PNPLA8: variants seen among roughly 807,000 people sequenced by gnomAD.
The protein encoded by PNPLA8 is calcium-independent phospholipase A2-gamma.
A neutral mutation model predicts 76.9 loss-of-function variants in PNPLA8; 39 were observed. The observed-to-expected ratio is 0.51, with a 90% CI of 0.39 to 0.66. The LOEUF (loss-of-function observed/expected upper bound fraction) is 0.66. Ranked by LOEUF, PNPLA8 falls within the 30% of genes least tolerant of loss-of-function variation. The pLI, the probability that PNPLA8 is intolerant of heterozygous loss-of-function variation, is 0.00. For synonymous variants in PNPLA8, 301 were observed against 307.9 expected (o/e 0.98, Z 0.24); for missense variants, 887 against 918.0 (o/e 0.97, Z 0.44).
At chr7:108,479,840 T>C (rs1296819583) in intron 9 of PNPLA8, among the ~76,000 whole-genome samples, 10 of 152,208 alleles carry the variant, frequency 6.6e-5, no homozygotes, top group Admixed American at 6.5e-4. Context: ...TTCATTATAA[T>C]GCAGATATAA....
At chr7:108,481,631 T>C (rs1345876357) in intron 9 of PNPLA8, among the ~76,000 whole-genome samples, 1 of 152,230 alleles carries the variant, frequency 6.6e-6, no homozygotes, top group Non-Finnish European at 1.5e-5. Context: ...TGTATGTCGC[T>C]TGTCTCCTCA....
At chr7:108,496,876 G>C in intron 6 of PNPLA8, 121 bp from the exon 7 acceptor site, 3 of 726,598 alleles carry the variant, frequency 4.1e-6, no homozygotes, top group Non-Finnish European at 6.6e-6. Context: ...ATGTCACCTG[G>C]GACAAATGAC....
intron 4 of PNPLA8, among the ~76,000 whole-genome samples, chr7:108,503,750 G>A (rs1398424481): frequency 6.6e-6 from 1 of 152,142 alleles, no homozygotes; most frequent in Non-Finnish European, 1.5e-5. Flanking sequence ...TGAGGCATTT[G>A]CTGATTCCAG....
At chr7:108,489,988 G>A (rs1396524324) in intron 8 of PNPLA8, among the ~76,000 whole-genome samples, 1 of 152,166 alleles carries the variant, frequency 6.6e-6, no homozygotes, top group African/African-American at 2.4e-5. Context: ...GTCATGCATT[G>A]CATATCAATG....
intron 5 of PNPLA8, among the ~76,000 whole-genome samples, chr7:108,501,708 CA>C (rs775758194): frequency 3.3e-5 from 5 of 152,122 alleles, no homozygotes; most frequent in Non-Finnish European, 7.4e-5. Flanking sequence ...CCTATAATCC[CA>C]GCTGCTTCGG....
At chr7:108,504,065 C>A (rs948069628) in intron 4 of PNPLA8, among the ~76,000 whole-genome samples, 4 of 152,060 alleles carry the variant, frequency 2.6e-5, no homozygotes, top group Non-Finnish European at 2.9e-5. Flanking sequence ...AGAATATGCC[C>A]AAAAATCAGG....
chr7:108,522,459 A>G (rs1335806333), intron 1 of PNPLA8, among the ~76,000 whole-genome samples: 2 of 152,146 alleles, frequency 1.3e-5, no homozygotes, highest in African/African-American at 4.8e-5. Flanking sequence ...CCAACCGCCA[A>G]TTAGAAAATT....
At position 108,514,933 on chromosome 7, in the gene PNPLA8, G is replaced by A. The variant is rs139626312; in HGVS notation, c.559C>T (p.Arg187Cys). 7,554 of 1,609,228 alleles carry A rather than the reference G, an allele frequency of 4.7e-3. 29 individuals are homozygous for A. Among genetic ancestry groups the A allele is most frequent in the Non-Finnish European group, 5.8e-3 (6,831 of 1,178,732 alleles). The change falls in exon 3 of 11, where the codon CGC (arginine) becomes TGC (cysteine). Residue 187 changes from arginine (R) to cysteine (C), a missense_variant. Coordinates refer to ENST00000257694, the MANE Select transcript of PNPLA8 (RefSeq NM_001256007.3). ...IIDKEEDIGK[R>C]SLFHYTSSIT... ...GAACTTGTGTAATGAAAAAGACTGC[G>A]TTTACCTATATCTTCTTCTTTGTCT...
At chr7:108,483,573 G>A (rs886257833) in intron 9 of PNPLA8, among the ~76,000 whole-genome samples, 2 of 152,150 alleles carry the variant, frequency 1.3e-5, no homozygotes, top group African/African-American at 4.8e-5. Context: ...ATGTCTCTGT[G>A]AATGTCAGTA....
At chr7:108,511,002 A>AGCTGGTTG (rs1176406163) in intron 4 of PNPLA8, 2 of 1,347,110 alleles carry the variant, frequency 1.5e-6, no homozygotes, top group African/African-American at 2.9e-5. Flanking sequence ...TATTTCTCTA[A>AGCTGGTTG]GCTGGTTGGT....
Position 108,501,318 on chromosome 7 carries a change from T to C in PNPLA8, c.1358+1173A>G, listed in dbSNP as rs531928830. ...AGGAACTAGATAAACAAAGACTGAG[T>C]AGGAAGCATGGATGGATTGCCAGTA... On this transcript the variant is annotated intron_variant, in intron 5 of 10. Transcript: ENST00000257694. Among the ~76,000 whole-genome samples the C allele has an allele frequency of 2.6e-5, 4 of 152,076 alleles. No individual in the cohort carries two copies. In the East Asian group the frequency reaches 7.7e-4, roughly 29 times the overall value.
chr7:108,477,494 T>C (rs1425439196), intron 10 of PNPLA8, among the ~76,000 whole-genome samples: 2 of 152,112 alleles, frequency 1.3e-5, no homozygotes, highest in African/African-American at 4.8e-5. Context: ...AGCTGTTAAG[T>C]GGTAATAATT....
chr7:108,510,607 C>G, intron 4 of PNPLA8: 2 of 1,553,308 alleles, frequency 1.3e-6, no homozygotes, highest in Non-Finnish European at 1.8e-6. Context: ...TGAAGCTCAA[C>G]AAGGCTTCGA....
At chr7:108,511,565 A>G (rs923266765) in intron 4 of PNPLA8, among the ~76,000 whole-genome samples, 1 of 152,204 alleles carries the variant, frequency 6.6e-6, no homozygotes, top group African/African-American at 2.4e-5. Flanking sequence ...ACATCCAGAA[A>G]GCGAGTCTTT....
At chr7:108,506,769 G>T (rs2154516225) in intron 4 of PNPLA8, among the ~76,000 whole-genome samples, 1 of 151,578 alleles carries the variant, frequency 6.6e-6, no homozygotes, top group East Asian at 1.9e-4. Context: ...CATGCAAAAA[G>T]AGGCACAACT....
At chr7:108,477,887 C>T (rs531325488) in intron 10 of PNPLA8, among the ~76,000 whole-genome samples, 6 of 152,212 alleles carry the variant, frequency 3.9e-5, no homozygotes, top group South Asian at 2.1e-4. Flanking sequence ...CACACAAACA[C>T]CTCAAGGCCA....
At chr7:108,491,561 G>T in intron 7 of PNPLA8, 94 bp from the exon 8 acceptor site, 1 of 821,776 alleles carries the variant, frequency 1.2e-6, no homozygotes, top group Non-Finnish European at 2.1e-6. Flanking sequence ...TTTGTCCATG[G>T]CTTTGTCAAA....
chr7:108,501,780 C>G (rs1402506278), intron 5 of PNPLA8, among the ~76,000 whole-genome samples: 2 of 151,814 alleles, frequency 1.3e-5, no homozygotes, highest in Non-Finnish European at 2.9e-5. Context: ...TCTGAGATCG[C>G]ACCACTGCAC....
intron 2 of PNPLA8, among the ~76,000 whole-genome samples, chr7:108,520,674 C>A (rs146466079): frequency 1.3e-5 from 2 of 152,052 alleles, no homozygotes; most frequent in East Asian, 1.9e-4. Flanking sequence ...ACATTGTATG[C>A]ATGTATCAAA....
Sources: gnomAD v4.1 joint callset for allele counts (sites outside exome capture counted in the v4.1 genomes callset) on GRCh38, gnomAD v4.1.1 for gene constraint, MANE v1.5 for transcripts, NCBI Gene and HGNC (gene_info 2026-07-23, HGNC 2026-07-21) for gene names.